The following FGGY variants were observed in gnomAD, a reference collection of about 807,000 sequenced individuals.
FGGY encodes the protein FGGY carbohydrate kinase domain-containing protein.
In FGGY, 72 loss-of-function variants were observed where a neutral mutation model predicts 71.3. The ratio of observed to expected loss-of-function variants is 1.01; its 90% confidence interval spans 0.84 to 1.23. FGGY has a LOEUF of 1.23. Among genes scored for constraint, FGGY ranks in the 50% most tolerant of loss-of-function variants. FGGY has a pLI of 0.00. For synonymous variants in FGGY, 251 were observed against 250.3 expected (o/e 1.00, Z -0.02); for missense variants, 668 against 682.3 (o/e 0.98, Z 0.23).
At chr1:59,553,915 A>G in intron 7 of FGGY, 1 of 442,352 alleles carries the variant, frequency 2.3e-6, no homozygotes, top group Non-Finnish European at 4.1e-6. Context: ...CATTGACCAG[A>G]ACAAAGCAAA....
intron 5 of FGGY, among the ~76,000 whole-genome samples, chr1:59,386,511 G>C (rs950339780): frequency 6.6e-6 from 1 of 151,974 alleles, no homozygotes. Flanking sequence ...ATATTGTCAG[G>C]TTTCTCCACT....
At chr1:59,507,288 AAG>A (rs575648654) in intron 6 of FGGY, among the ~76,000 whole-genome samples, 49 of 152,336 alleles carry the variant, frequency 3.2e-4, no homozygotes, top group Admixed American at 3.1e-3. Context: ...TTCTAGTTAC[AAG>A]AGTAGGTTAC....
intron 7 of FGGY, among the ~76,000 whole-genome samples, chr1:59,518,600 C>T (rs184368704): frequency 1.3e-5 from 2 of 152,204 alleles, no homozygotes; most frequent in Admixed American, 6.5e-5. Flanking sequence ...CGCATCATCC[C>T]CTTGGTGCTG....
chr1:59,345,721 A>G (rs1306310135), intron 3 of FGGY, among the ~76,000 whole-genome samples: 1 of 152,070 alleles, frequency 6.6e-6, no homozygotes, highest in Non-Finnish European at 1.5e-5. Context: ...AATGAGGAAA[A>G]AAAAAAACAC....
intron 6 of FGGY, among the ~76,000 whole-genome samples, chr1:59,511,859 A>C (rs964724853): frequency 4.6e-5 from 7 of 152,208 alleles, no homozygotes; most frequent in African/African-American, 1.7e-4. Flanking sequence ...GAAGCAACTG[A>C]AAGAGTAAGT....
intron 6 of FGGY, among the ~76,000 whole-genome samples, chr1:59,493,096 AACAC>A (rs3035371): frequency 0.015 from 2,198 of 143,104 alleles, 60 homozygotes; most frequent in African/African-American, 0.054. Flanking sequence ...TACCAAACAA[AACAC>A]ACACACACAC....
At chr1:59,420,993 G>A (rs1044400296) in intron 5 of FGGY, among the ~76,000 whole-genome samples, 1 of 151,532 alleles carries the variant, frequency 6.6e-6, no homozygotes, top group African/African-American at 2.4e-5. Flanking sequence ...AAAATCCAGT[G>A]TTGTCTTACA....
Position 59,641,378 on chromosome 1 carries a change from A to C in FGGY, c.1221+3003A>C, listed in dbSNP as rs757404709. Reference sequence around the variant, plus strand: ...TGACTCTTTTCTTGCATTGTTAAACATTTACCCATTCACTGTGTTTTTATT... The same window carrying C: ...TGACTCTTTTCTTGCATTGTTAAACCTTTACCCATTCACTGTGTTTTTATT... On this transcript the variant is annotated intron_variant, in intron 11 of 15. Coordinates refer to ENST00000303721, the MANE Select transcript of FGGY (RefSeq NM_018291.5). 27 of 1,577,514 alleles carry C rather than the reference A, an allele frequency of 1.7e-5. No homozygotes were observed. The East Asian group carries it at 6.0e-4, about 35-fold the overall frequency.
chr1:59,681,045 A>G (rs1185061366), intron 14 of FGGY: 1 of 152,170 alleles, frequency 6.6e-6, no homozygotes, highest in East Asian at 1.9e-4. Flanking sequence ...TTCCCCAGAG[A>G]ATGACCATAC....
chr1:59,682,327 T>A (rs2097508407), intron 14 of FGGY, among the ~76,000 whole-genome samples: 1 of 151,970 alleles, frequency 6.6e-6, no homozygotes, highest in Admixed American at 6.5e-5. Flanking sequence ...CAGAAATAGA[T>A]GACAAGAATT....
At chr1:59,752,263 C>T (rs571433343) in intron 14 of FGGY, among the ~76,000 whole-genome samples, 1 of 152,354 alleles carries the variant, frequency 6.6e-6, no homozygotes, top group East Asian at 1.9e-4. Context: ...CCTTTGGCAA[C>T]TCTGCAAACA....
At chr1:59,749,639 A>T (rs1023165247) in intron 14 of FGGY, among the ~76,000 whole-genome samples, 1 of 152,190 alleles carries the variant, frequency 6.6e-6, no homozygotes, top group Non-Finnish European at 1.5e-5. Context: ...TGGTGCATGA[A>T]TCCAATACAC....
intron 5 of FGGY, among the ~76,000 whole-genome samples, chr1:59,395,086 T>A (rs2153388112): frequency 6.6e-6 from 1 of 152,212 alleles, no homozygotes; most frequent in Non-Finnish European, 1.5e-5. Flanking sequence ...CACACTACTG[T>A]TTCATTTTTC....
chr1:59,538,139 A>C (rs1570922868), intron 7 of FGGY, among the ~76,000 whole-genome samples: 1 of 152,326 alleles, frequency 6.6e-6, no homozygotes, highest in Middle Eastern at 3.4e-3. Context: ...ATGAACTCAA[A>C]CAAATTTACG....
intron 14 of FGGY, among the ~76,000 whole-genome samples, chr1:59,704,091 A>C (rs1281757594): frequency 6.6e-6 from 1 of 152,172 alleles, no homozygotes; most frequent in Non-Finnish European, 1.5e-5. Context: ...TATGTGCGCT[A>C]GACAGGAATG....
At chr1:59,619,267 T>A (rs2096786231) in intron 9 of FGGY, among the ~76,000 whole-genome samples, 1 of 152,036 alleles carries the variant, frequency 6.6e-6, no homozygotes, top group South Asian at 2.1e-4. Context: ...TCTTCTGCAC[T>A]CTCCTGCACT....
chr1:59,407,766 A>G (rs558007245), intron 5 of FGGY, among the ~76,000 whole-genome samples: 1 of 152,210 alleles, frequency 6.6e-6, no homozygotes, highest in East Asian at 1.9e-4. Context: ...TTAAAAATGT[A>G]TTTTCCTCAA....
intron 1 of FGGY, among the ~76,000 whole-genome samples, chr1:59,313,209 T>C (rs2044696550): frequency 6.6e-6 from 1 of 152,188 alleles, no homozygotes; most frequent in Non-Finnish European, 1.5e-5. Flanking sequence ...TCATGAGGAC[T>C]CCTTTTTCAT....
chr1:59,573,201 C>T (rs1253227375), intron 8 of FGGY, among the ~76,000 whole-genome samples: 3 of 152,032 alleles, frequency 2.0e-5, no homozygotes, highest in African/African-American at 7.2e-5. Context: ...ATTGGAGAAA[C>T]TTTTTTAAAA....
Sources: gnomAD v4.1 joint callset for allele counts (sites outside exome capture counted in the v4.1 genomes callset) on GRCh38, gnomAD v4.1.1 for gene constraint, MANE v1.5 for transcripts, NCBI Gene and HGNC (gene_info 2026-07-23, HGNC 2026-07-21) for gene names.